ECE1: variants seen among roughly 807,000 people sequenced by gnomAD.
ECE1 encodes the protein endothelin converting enzyme 1, also known as endothelin-converting enzyme 1.
A neutral mutation model predicts 98.6 loss-of-function variants in ECE1; 35 were observed. That is an observed-to-expected ratio of 0.35 (90% CI 0.27 to 0.47). The LOEUF (loss-of-function observed/expected upper bound fraction) is 0.47. Among genes scored for constraint, ECE1 ranks in the 20% least tolerant of loss-of-function variants. The pLI, the probability that ECE1 is intolerant of heterozygous loss-of-function variation, is 1.00. For synonymous variants in ECE1, 394 were observed against 407.1 expected (o/e 0.97, Z 0.39); for missense variants, 814 against 1,025.3 (o/e 0.79, Z 2.81).
chr1:21,220,104 T>C lies in ECE1; in HGVS notation c.2164A>G (p.Ser722Gly). The change falls in exon 19 of 19, where the codon AGC becomes GGC. Residue 722 changes from serine (S) to glycine (G), a missense_variant. Around this residue, in one of 3 missense-constraint regions of ECE1, gnomAD observed 452 missense variants for 567.3 expected, o/e 0.80. Coordinates refer to ENST00000374893, the MANE Select transcript of ECE1 (RefSeq NM_001397.3). The surrounding 1 kb of genome is among the most constrained non-coding windows in gnomAD (Gnocchi z 5.0). ...QVWCSVRTPE[S>G]SHEGLITDPH... ...TCGGTGATGAGGCCTTCGTGGGAGCTCTCAGGTGTGCGGACGGAGCACCAG... is the reference window on the plus strand; with the variant it reads ...TCGGTGATGAGGCCTTCGTGGGAGCCCTCAGGTGTGCGGACGGAGCACCAG... 6.2e-7 allele frequency: 1 copy of C among 1,613,346 alleles called. No homozygotes were observed. Among genetic ancestry groups the C allele is most frequent in the Non-Finnish European group, 8.5e-7 (1 of 1,179,574 alleles).
chr1:21,274,328 C>T (rs1024130137), intron 3 of ECE1, among the ~76,000 whole-genome samples: 1 of 152,228 alleles, frequency 6.6e-6, no homozygotes, highest in Non-Finnish European at 1.5e-5. Context: ...CTGCTGAGAT[C>T]CGTTTCCCCA....
intron 1 of ECE1, among the ~76,000 whole-genome samples, chr1:21,339,415 G>A (rs1389454926): frequency 1.3e-5 from 2 of 152,122 alleles, no homozygotes; most frequent in Non-Finnish European, 2.9e-5. Flanking sequence ...GGCAGCTTGG[G>A]ACTGAAGCCA....
chr1:21,276,981 G>C (rs976238908), intron 3 of ECE1, among the ~76,000 whole-genome samples: 1 of 152,178 alleles, frequency 6.6e-6, no homozygotes, highest in Non-Finnish European at 1.5e-5. Context: ...GCCTCCCAAA[G>C]TGCTGGGATT....
chr1:21,294,869 C>T (rs1209724787), upstream of ECE1, among the ~76,000 whole-genome samples: 1 of 152,210 alleles, frequency 6.6e-6, no homozygotes, highest in Non-Finnish European at 1.5e-5. The surrounding 1 kb of genome is among the most constrained non-coding windows in gnomAD (Gnocchi z 4.2). Flanking sequence ...TGTCTCTAAG[C>T]CTCAGCTCCT....
intron 17 of ECE1, among the ~76,000 whole-genome samples, chr1:21,222,841 CAAAAAA>C (rs888811259): frequency 4.3e-4 from 12 of 27,786 alleles, no homozygotes; most frequent in African/African-American, 1.4e-3. Flanking sequence ...GACCCTGTCT[CAAAAAA>C]AAAAAAAAAA....
chr1:21,344,243 C>T (rs920307973), intron 1 of ECE1, among the ~76,000 whole-genome samples: 2 of 152,134 alleles, frequency 1.3e-5, no homozygotes, highest in Non-Finnish European at 2.9e-5. Flanking sequence ...TGGGACTCTT[C>T]GGCTTTACAG....
At position 21,233,549 on chromosome 1, in the gene ECE1, G is replaced by A. The variant is rs2098184373; in HGVS notation, c.1670+9C>T. 2 of 1,612,928 alleles carry A rather than the reference G, an allele frequency of 1.2e-6. No homozygotes were observed. Among genetic ancestry groups the A allele is most frequent in the South Asian group, 1.1e-5 (1 of 91,030 alleles). The stretch of plus-strand genomic sequence containing the variant: ...TGGCACCTTGCCGGCAGGGCCTGGG[G>A]GAACTCACTGATCTCTGTTGGGGGC... On this transcript the variant is annotated intron_variant, in intron 14 of 18. Coordinates refer to ENST00000374893, the MANE Select transcript of ECE1 (RefSeq NM_001397.3). This position sits in a 1 kb window ranked among gnomAD's most constrained non-coding sequence, Gnocchi z 4.0.
Position 21,260,260 on chromosome 1 carries a change from G to A in ECE1, c.615+11C>T, listed in dbSNP as rs754153483. ...GCCGGGGCTTGGGGAGGGAGAGCCC[G>A]AGGCACTCACCCTCTCAATCAACTC... On this transcript the variant is annotated intron_variant, in intron 5 of 18. Coordinates refer to ENST00000374893, the MANE Select transcript of ECE1 (RefSeq NM_001397.3). This position sits in a 1 kb window ranked among gnomAD's most constrained non-coding sequence, Gnocchi z 4.3. 1.3e-5 allele frequency: 21 copies of A among 1,614,086 alleles called. No individual in the cohort carries two copies. Among genetic ancestry groups the A allele is most frequent in the East Asian group, 4.5e-5 (2 of 44,888 alleles).
chr1:21,342,991 T>G (rs1281266250), intron 1 of ECE1, among the ~76,000 whole-genome samples: 1 of 152,172 alleles, frequency 6.6e-6, no homozygotes, highest in Non-Finnish European at 1.5e-5. Flanking sequence ...CATAGCCAGG[T>G]GCCAGACCAG....
chr1:21,280,742 G>A (rs1170093829), intron 2 of ECE1, among the ~76,000 whole-genome samples: 3 of 152,200 alleles, frequency 2.0e-5, no homozygotes, highest in Middle Eastern at 3.2e-3. Flanking sequence ...CCTGGCACTC[G>A]GGGATCTGAA....
In ECE1 at chr1:21,231,900, C is replaced by T. The variant is rs59995018; in HGVS notation, c.1670+1658G>A. Among the ~76,000 whole-genome samples the T allele has an allele frequency of 6.8e-3, 1,036 of 152,322 alleles. 12 individuals are homozygous for T. Among genetic ancestry groups the T allele is most frequent in the African/African-American group, 0.024 (990 of 41,562 alleles). On this transcript the variant is annotated intron_variant, in intron 14 of 18. Transcript: ENST00000374893. ...AAGCGTTCGAATTACAGGCGTGGGC[C>T]GCTGTACCTGGCCATATGGAGGAAT...
chr1:21,276,535 C>A (rs2098247417), intron 3 of ECE1, among the ~76,000 whole-genome samples: 1 of 152,142 alleles, frequency 6.6e-6, no homozygotes, highest in African/African-American at 2.4e-5. Flanking sequence ...AAAATATGTT[C>A]TTGGAGAATG....
intron 2 of ECE1, among the ~76,000 whole-genome samples, chr1:21,288,425 C>T (rs2098262933): frequency 6.6e-6 from 1 of 152,194 alleles, no homozygotes; most frequent in South Asian, 2.1e-4. Flanking sequence ...AGCCACTAGC[C>T]CAAGGTCGTG....
intron 1 of ECE1, among the ~76,000 whole-genome samples, chr1:21,343,701 A>G (rs975894303): frequency 6.6e-6 from 1 of 152,170 alleles, no homozygotes; most frequent in Non-Finnish European, 1.5e-5. Flanking sequence ...ATGGGGTTCA[A>G]ACACAAATTG....
chr1:21,236,041 C>A (rs2098187579), intron 12 of ECE1, 114 bp from the exon 13 acceptor site: 1 of 992,088 alleles, frequency 1.0e-6, no homozygotes, highest in Non-Finnish European at 1.6e-6. Context: ...CCAGGCCCTG[C>A]CTGCCTTGGG....
intron 10 of ECE1, among the ~76,000 whole-genome samples, chr1:21,242,937 C>A (rs7520912): frequency 2.6e-5 from 4 of 152,196 alleles, no homozygotes; most frequent in South Asian, 2.1e-4. Context: ...TGCACCACTG[C>A]GCCTGGCTCA....
chr1:21,317,626 G>A (rs115430579), intron 1 of ECE1, among the ~76,000 whole-genome samples: 1,584 of 152,252 alleles, frequency 0.01, 17 homozygotes, highest in Non-Finnish European at 0.018. Flanking sequence ...GCCTTCTTGG[G>A]ACCCCTCCAG....
In ECE1 at chr1:21,221,626, A is replaced by C. The variant is rs2098167578; in HGVS notation, c.2136+121T>G. On this transcript the variant is annotated intron_variant, in intron 18 of 18. Transcript: ENST00000374893. Reference sequence around the variant, plus strand: ...TAATGACAGGGCACATGTGCTGTGCACAGTCCAGTGACTTGGGAAGTTCTC... The same window carrying C: ...TAATGACAGGGCACATGTGCTGTGCCCAGTCCAGTGACTTGGGAAGTTCTC... 3.9e-6 allele frequency: 4 copies of C among 1,014,726 alleles called. No homozygotes were observed. In the African/African-American group the frequency reaches 6.3e-5, roughly 16 times the overall value. The allele number at this position is 1,014,726 out of a possible 1,614,324, so 62.9% of individuals were successfully genotyped here.
chr1:21,221,743 T>G lies in ECE1; in HGVS notation c.2136+4A>C. ...TGTGTGGCATGTTTTCCTAATGGAC[T>G]CACCTGTGCAAAGCCCAGGAAGAAG... On this transcript the variant is annotated splice_donor_region_variant and intron_variant, in intron 18 of 18. Coordinates refer to ENST00000374893, the MANE Select transcript of ECE1 (RefSeq NM_001397.3). 3 of 1,613,906 alleles carry G rather than the reference T, an allele frequency of 1.9e-6. No homozygotes were observed. Among genetic ancestry groups the G allele is most frequent in the Non-Finnish European group, 2.5e-6 (3 of 1,179,756 alleles).
Sources: gnomAD v4.1 joint callset for allele counts (sites outside exome capture counted in the v4.1 genomes callset) on GRCh38, gnomAD v4.1.1 for gene constraint, gnomAD v4.1.1 regional missense constraint, Gnocchi (gnomAD v3.1) non-coding constraint, MANE v1.5 for transcripts, NCBI Gene and HGNC (gene_info 2026-07-23, HGNC 2026-07-21) for gene names.